Variants in COCH observed in about 807,000 individuals in gnomAD.
COCH encodes cochlin.
Under a neutral mutation model 54.8 loss-of-function variants are expected in COCH, and 40 were observed. The ratio of observed to expected loss-of-function variants is 0.73; its 90% CI spans 0.57 to 0.95. The LOEUF (loss-of-function observed/expected upper bound fraction) is 0.95, where lower values mean the gene tolerates loss of function less well. Ranked by LOEUF, COCH falls within the 40% of genes least tolerant of loss-of-function variation. The pLI is 0.00. For missense variants in COCH, 605 were observed against 675.0 expected (o/e 0.90, Z 1.15); for synonymous variants, 256 against 237.9 (o/e 1.08, Z -0.70).
At chr14:30,882,120 G>GTTTTGTTTTTTTTT (rs1895617844) in intron 8 of COCH, among the ~76,000 whole-genome samples, 1 of 67,914 alleles carries the variant, frequency 1.5e-5, no homozygotes, top group Non-Finnish European at 2.7e-5. Flanking sequence ...CTATAAAATG[G>GTTTTGTTTTTTTTT]TTTTTTTTTT....
chr14:30,882,120 G>GTTTTGTTTTTTTT lies in COCH; in HGVS notation c.629+1390_629+1391insGTTTTTTTTTTTT, dbSNP rs1895617844. On this transcript the variant is annotated intron_variant, in intron 8 of 11. Coordinates refer to ENST00000396618, the MANE Select transcript of COCH (RefSeq NM_004086.3). ...CCCTAGAGATAATCACTATAAAATGGTTTTTTTTTTTTTTTTTTTTTTTTT... is the reference window on the plus strand; with the variant it reads ...CCCTAGAGATAATCACTATAAAATGGTTTTGTTTTTTTTTTTTTTTTTTTTTTTTTTTTTTTTT... 2.4e-4 allele frequency among the ~76,000 whole-genome samples: 16 copies of GTTTTGTTTTTTTT among 67,914 alleles called. No homozygotes were observed. The East Asian group carries it at 5.2e-3, about 22-fold the overall frequency. The allele number at this position is 67,914 out of a possible 152,430, so 44.6% of individuals were successfully genotyped here. A position where few individuals can be genotyped will look rare whatever the true frequency, so the allele number is the denominator to read the frequency against.
At chr14:30,881,835 G>A (rs1174747273) in intron 8 of COCH, among the ~76,000 whole-genome samples, 5 of 151,486 alleles carry the variant, frequency 3.3e-5, no homozygotes, top group Non-Finnish European at 5.9e-5. Flanking sequence ...GTGGTGGCAG[G>A]CGCCTGTAGT....
Position 30,886,311 on chromosome 14 carries a change from A to T in COCH, c.1476A>T (p.Ala492=), listed in dbSNP as rs1895789458. The T allele has an allele frequency of 1.9e-6, 3 of 1,614,012 alleles. No individual in the cohort carries two copies. Among genetic ancestry groups the T allele is most frequent in the South Asian group, 2.2e-5 (2 of 91,072 alleles). ...VQGPAAAAHD[A]GITIFSVGVA... ...GCCCTGCAGCTGCTGCACATGATGC[A>T]GGTAAGGTCCTTGTTCTTTATAGGA... The change falls in exon 11 of 12, where the codon GCA becomes GCT. Residue 492 remains alanine, a splice_region_variant and synonymous_variant. Transcript: ENST00000396618.
chr14:30,879,461 G>T lies in COCH; in HGVS notation c.412G>T (p.Val138Leu), dbSNP rs1235475354. Residue 138 changes from valine (V) to leucine (L), a missense_variant, in exon 6 of 12, where the codon GTG becomes TTG. Coordinates refer to ENST00000396618, the MANE Select transcript of COCH (RefSeq NM_004086.3). ...TACACAGGAGGCCACAGGACAAGCA[G>T]TGTCCACAGCACATCCACCAACAGG... is the stretch of plus-strand genomic sequence containing the variant. ...SSTQEATGQA[V>L]STAHPPTGKR... 6.2e-7 allele frequency: 1 copy of T among 1,613,986 alleles called. No individual in the cohort carries two copies. The highest frequency in any genetic ancestry group is 2.2e-5 in the East Asian group (1 of 44,892).
At position 30,880,655 on chromosome 14, in the gene COCH, C is replaced by A; in HGVS notation, c.550C>A (p.Gln184Lys). Residue 184 changes from glutamine (Q) to lysine (K), a missense_variant, in exon 8 of 12, where the codon CAG becomes AAG. Coordinates refer to ENST00000396618, the MANE Select transcript of COCH (RefSeq NM_004086.3). ...FNIGQRRFNL[Q>K]KNFVGKVALM... ...TATTGGGCAGCGCCGATTTAATTTACAGAAGAATTTTGTTGGAAAAGTGGC... is the reference window on the plus strand; with the variant it reads ...TATTGGGCAGCGCCGATTTAATTTAAAGAAGAATTTTGTTGGAAAAGTGGC... 1 of 1,613,976 alleles carries A rather than the reference C, an allele frequency of 6.2e-7. No individual in the cohort carries two copies. Among genetic ancestry groups the A allele is most frequent in the Non-Finnish European group, 8.5e-7 (1 of 1,179,948 alleles).
rs61759484 is a variant in COCH, at chr14:30,886,105, T to G, written c.1270T>G (p.Tyr424Asp). The change falls in exon 11 of 12, where the codon TAT becomes GAT. Residue 424 changes from tyrosine (Y) to aspartate (D), a missense_variant. Tyr to Asp is a radical substitution (Grantham distance 160). Transcript: ENST00000396618. ...GCGCACGGAGTTCAGTTTCACTGAC[T>G]ATAGCACCAAAGAGAATGTCCTAGC... ...DQRTEFSFTD[Y>D]STKENVLAVI... 5,989 of 1,614,120 alleles carry G rather than the reference T, an allele frequency of 3.7e-3. 15 individuals carry two copies. The highest frequency in any genetic ancestry group is 4.6e-3 in the Non-Finnish European group (5,407 of 1,179,942).
At chr14:30,875,525 A>G (rs1345901439) in intron 3 of COCH, 1 of 500,162 alleles carries the variant, frequency 2.0e-6, no homozygotes, top group African/African-American at 2.0e-5. Flanking sequence ...AGGTTGCCGT[A>G]GCCGAGAGAG....
chr14:30,875,222 G>T, intron 3 of COCH, 119 bp downstream of exon 3: 1 of 1,387,226 alleles, frequency 7.2e-7, no homozygotes, highest in Non-Finnish European at 9.8e-7. Flanking sequence ...AGGAAGGCGC[G>T]AAGGTTGAGC....
At chr14:30,892,966 C>T (rs117199270), downstream of COCH, among the ~76,000 whole-genome samples, 1 of 152,124 alleles carries the variant, frequency 6.6e-6, no homozygotes, top group Admixed American at 6.6e-5. Context: ...GAATTTCACA[C>T]GTAAGTTTTC....
Position 30,879,445 on chromosome 14 carries a change from G to A in COCH, c.396G>A (p.Glu132=). 10 of 1,614,018 alleles carry A rather than the reference G, an allele frequency of 6.2e-6. No individual in the cohort carries two copies. Among genetic ancestry groups the A allele is most frequent in the East Asian group, 2.2e-5 (1 of 44,876 alleles). Residue 132 remains glutamate (E), a synonymous_variant, in exon 6 of 12, where the codon GAG becomes GAA. Coordinates refer to ENST00000396618, the MANE Select transcript of COCH (RefSeq NM_004086.3). ...TVTKGKSSTQ[E]ATGQAVSTAH... is the part of the protein sequence containing the mutation. ...CAGAAGGCAAAAGTAGTACACAGGA[G>A]GCCACAGGACAAGCAGTGTCCACAG...
chr14:30,879,277 T>C, intron 5 of COCH, 146 bp from the exon 6 acceptor site: 1 of 851,180 alleles, frequency 1.2e-6, no homozygotes, highest in Non-Finnish European at 1.9e-6. Context: ...ATTTTGGTTC[T>C]CTGAAACTAG....
intron 3 of COCH, chr14:30,875,636 T>G: frequency 3.8e-6 from 1 of 261,602 alleles, no homozygotes; most frequent in Non-Finnish European, 7.1e-6. Flanking sequence ...CTCTACACGC[T>G]AGAGAGTTTA....
intron 11 of COCH, among the ~76,000 whole-genome samples, chr14:30,887,656 C>T (rs1895837300): frequency 6.6e-6 from 1 of 152,038 alleles, no homozygotes; most frequent in African/African-American, 2.4e-5. Flanking sequence ...TTTTTTTTAA[C>T]ACTCTTCTGT....
Position 30,882,120 on chromosome 14 carries a change from G to GTTTTTTTTTTTTTTTTTTTTTTTT in COCH, c.629+1390_629+1413dup, listed in dbSNP as rs61175020. On this transcript the variant is annotated intron_variant, in intron 8 of 11. Coordinates refer to ENST00000396618, the MANE Select transcript of COCH (RefSeq NM_004086.3). ...CCCTAGAGATAATCACTATAAAATG[G>GTTTTTTTTTTTTTTTTTTTTTTTT]TTTTTTTTTTTTTTTTTTTTTTTTT... is the stretch of plus-strand genomic sequence containing the variant. 4.7e-4 allele frequency among the ~76,000 whole-genome samples: 32 copies of GTTTTTTTTTTTTTTTTTTTTTTTT among 67,914 alleles called. 6 individuals are homozygous for GTTTTTTTTTTTTTTTTTTTTTTTT. The highest frequency in any genetic ancestry group is 1.1e-3 in the African/African-American group (16 of 15,214). 44.6% of individuals were successfully genotyped at this position (67,914 alleles called of 152,430 possible).
intron 3 of COCH, 131 bp downstream of exon 3, chr14:30,875,234 GC>G: frequency 8.0e-7 from 1 of 1,249,906 alleles, no homozygotes; most frequent in Non-Finnish European, 1.1e-6. Flanking sequence ...AGGTTGAGCC[GC>G]CGCGTGGCGC....
At chr14:30,887,483 G>A (rs990086966) in intron 11 of COCH, among the ~76,000 whole-genome samples, 6 of 151,982 alleles carry the variant, frequency 3.9e-5, no homozygotes, top group African/African-American at 1.4e-4. Context: ...GTATAAGAAG[G>A]GTTTCTTTCT....
At chr14:30,879,945 G>A (rs186992361) in intron 6 of COCH, among the ~76,000 whole-genome samples, 17 of 152,274 alleles carry the variant, frequency 1.1e-4, no homozygotes, top group Admixed American at 1.0e-3. Flanking sequence ...TTACAGGCAT[G>A]AGCCACTGCA....
intron 4 of COCH, among the ~76,000 whole-genome samples, chr14:30,878,203 T>C (rs1172653029): frequency 6.6e-6 from 1 of 152,210 alleles, no homozygotes; most frequent in Admixed American, 6.5e-5. Flanking sequence ...TCCAAAGGCA[T>C]GTAGCTAAAG....
rs1487577677 is a variant in COCH, at chr14:30,884,644, A to G, written c.721A>G (p.Asn241Asp). The stretch of plus-strand genomic sequence containing the variant: ...AAAGGAAGTAGGTTTCAGAGGGGGT[A>G]ATTCCAATACAGGTAAGTAGACTTT... ...AIKEVGFRGG[N>D]SNTGKALKHT... Residue 241 changes from asparagine (N) to aspartate (D), a missense_variant, in exon 9 of 12, where the codon AAT becomes GAT. Asn to Asp is a conservative substitution (Grantham distance 23). Coordinates refer to ENST00000396618, the MANE Select transcript of COCH (RefSeq NM_004086.3). 1.2e-6 allele frequency: 2 copies of G among 1,609,294 alleles called. No homozygotes were observed. The highest frequency in any genetic ancestry group is 1.7e-6 in the Non-Finnish European group (2 of 1,175,744).
Sources: allele counts gnomAD v4.1 joint callset (sites outside exome capture counted in the v4.1 genomes callset), GRCh38; gene constraint gnomAD v4.1.1; transcripts MANE v1.5; gene names NCBI Gene and HGNC (gene_info 2026-07-23, HGNC 2026-07-21).